The following ATAD1 variants were observed in gnomAD, a reference collection of about 807,000 sequenced individuals.
The protein encoded by ATAD1 is ATPase family AAA domain containing 1, also known as outer mitochondrial transmembrane helix translocase.
Under a neutral mutation model 42.7 loss-of-function variants are expected in ATAD1, and 18 were observed. The observed-to-expected ratio is 0.42, with a 90% CI of 0.29 to 0.63. The LOEUF (loss-of-function observed/expected upper bound fraction) is 0.63, where lower values mean the gene tolerates loss of function less well. Among genes scored for constraint, ATAD1 ranks in the 20% least tolerant of loss-of-function variants. The pLI, the probability that ATAD1 is intolerant of heterozygous loss-of-function variation, is 0.19. For synonymous variants in ATAD1, 132 were observed against 143.1 expected, an observed-to-expected ratio of 0.92 and a Z score of 0.55; for missense variants, 294 against 440.4, an observed-to-expected ratio of 0.67 and a Z score of 2.98.
chr10:87,783,552 C>A (rs1300987310), intron 5 of ATAD1, among the ~76,000 whole-genome samples: 1 of 151,740 alleles, frequency 6.6e-6, no homozygotes, highest in Admixed American at 6.6e-5. Flanking sequence ...CATAGCCTAT[C>A]ATACTAAATT....
intron 1 of ATAD1, among the ~76,000 whole-genome samples, chr10:87,826,187 A>G (rs1054494094): frequency 6.6e-6 from 1 of 152,258 alleles, no homozygotes; most frequent in African/African-American, 2.4e-5. Flanking sequence ...AAGGGGAAAA[A>G]GAAAGCAAAG....
rs562202858 is a variant in ATAD1, at chr10:87,841,264, G to A, written c.-91C>T. ...TCTTTGCACAGTTAAGCTGAGACTA[G>A]CATCATTCTAGTTTGCAGGTGACAT... On this transcript the variant is annotated 5_prime_UTR_variant, in exon 1 of 5. Transcript: ENST00000495903. The A allele has an allele frequency of 2.0e-5, 3 of 152,336 alleles. No homozygotes were observed. The East Asian group carries it at 5.8e-4, about 29-fold the overall frequency. The allele number at this position is 152,336 out of a possible 1,614,324, so 9.4% of individuals were successfully genotyped here. A position where few individuals can be genotyped will look rare whatever the true frequency, so the allele number is the denominator to read the frequency against.
intron 1 of ATAD1, among the ~76,000 whole-genome samples, chr10:87,839,273 A>G (rs1485527862): frequency 6.6e-6 from 1 of 152,130 alleles, no homozygotes; most frequent in Non-Finnish European, 1.5e-5. Flanking sequence ...TTTCTCTGTA[A>G]ATAATCTCAA....
intron 2 of ATAD1, among the ~76,000 whole-genome samples, chr10:87,811,643 G>A (rs12785229): frequency 2.0e-5 from 3 of 152,172 alleles, no homozygotes; most frequent in Non-Finnish European, 4.4e-5. Flanking sequence ...TGATGGTGGT[G>A]AGGGGAGATG....
intron 6 of ATAD1, among the ~76,000 whole-genome samples, chr10:87,774,152 C>A (rs114213764): frequency 3.3e-5 from 5 of 152,048 alleles, no homozygotes; most frequent in South Asian, 4.2e-4. Context: ...TATGCTAATG[C>A]GGTGGGCTTA....
intron 8 of ATAD1, among the ~76,000 whole-genome samples, chr10:87,765,920 G>A (rs990336378): frequency 6.6e-6 from 1 of 151,870 alleles, no homozygotes; most frequent in Non-Finnish European, 1.5e-5. Context: ...GTACATGCCT[G>A]TAATCTGCTT....
intron 7 of ATAD1, among the ~76,000 whole-genome samples, chr10:87,768,024 T>C (rs1437926458): frequency 2.6e-5 from 4 of 152,172 alleles, no homozygotes; most frequent in African/African-American, 7.2e-5. Context: ...CTTCCCTCTA[T>C]AGTTCAGCAA....
chr10:87,769,689 C>T (rs1379786337), intron 7 of ATAD1, among the ~76,000 whole-genome samples: 1 of 152,162 alleles, frequency 6.6e-6, no homozygotes, highest in Non-Finnish European at 1.5e-5. Context: ...TGACTCATGC[C>T]TGTAATCCCA....
intron 2 of ATAD1, among the ~76,000 whole-genome samples, chr10:87,808,035 T>G (rs1420921685): frequency 1.3e-5 from 2 of 152,242 alleles, no homozygotes; most frequent in Non-Finnish European, 2.9e-5. Context: ...TTTTTGATGC[T>G]ACTATATAAT....
At chr10:87,835,193 T>TA (rs546304871) in intron 1 of ATAD1, among the ~76,000 whole-genome samples, 6 of 152,268 alleles carry the variant, frequency 3.9e-5, no homozygotes, top group African/African-American at 1.2e-4. Context: ...AAAGAGTATG[T>TA]ATTCTGCTAT....
upstream of ATAD1, among the ~76,000 whole-genome samples, chr10:87,820,406 G>C (rs1166430349): frequency 6.6e-6 from 1 of 152,114 alleles, no homozygotes; most frequent in Non-Finnish European, 1.5e-5. Context: ...TAAGGACCAG[G>C]GTGACCAGCC....
upstream of ATAD1, among the ~76,000 whole-genome samples, chr10:87,822,452 T>TA (rs965892269): frequency 1.1e-4 from 17 of 152,122 alleles, no homozygotes; most frequent in Non-Finnish European, 1.5e-5. Context: ...TTCAGCCATT[T>TA]AAAAAAATGA....
intron 2 of ATAD1, among the ~76,000 whole-genome samples, chr10:87,808,550 A>C (rs1857036016): frequency 6.6e-6 from 1 of 152,208 alleles, no homozygotes; most frequent in Admixed American, 6.5e-5. Context: ...GCTCCGTCTA[A>C]AAGAAAACAC....
chr10:87,753,379 TAG>T lies in ATAD1; in HGVS notation c.*1306_*1307del, dbSNP rs1356528978. ...ATCCAGTGACACATGAATAAAGATT[TAG>T]AGTTTTTAAAGAAATACAGTAAAAG... On this transcript the variant is annotated 3_prime_UTR_variant, in exon 10 of 10. Transcript: ENST00000680024. 1.3e-5 allele frequency: 2 copies of T among 152,172 alleles called. No individual in the cohort carries two copies. Among genetic ancestry groups the T allele is most frequent in the East Asian group, 1.9e-4 (1 of 5,194 alleles). The allele number at this position is 152,172 out of a possible 1,614,324, so 9.4% of individuals were successfully genotyped here. A position where few individuals can be genotyped will look rare whatever the true frequency, so the allele number is the denominator to read the frequency against.
upstream of ATAD1, among the ~76,000 whole-genome samples, chr10:87,820,734 G>A (rs1489960856): frequency 6.6e-6 from 1 of 152,126 alleles, no homozygotes; most frequent in East Asian, 1.9e-4. Context: ...TATATGTTTT[G>A]GACCTAATAT....
intron 2 of ATAD1, among the ~76,000 whole-genome samples, chr10:87,804,652 G>T (rs914319752): frequency 6.6e-6 from 1 of 152,160 alleles, no homozygotes; most frequent in Non-Finnish European, 1.5e-5. Flanking sequence ...TTACAGGTAT[G>T]AGCCACCATG....
intron 5 of ATAD1, among the ~76,000 whole-genome samples, chr10:87,783,428 C>T (rs1017608900): frequency 1.3e-5 from 2 of 151,384 alleles, no homozygotes; most frequent in Admixed American, 6.6e-5. Flanking sequence ...AAGATGCACA[C>T]CAAAACACCA....
At chr10:87,756,981 T>C in intron 8 of ATAD1, 59 bp from the exon 9 acceptor site, 2 of 1,351,116 alleles carry the variant, frequency 1.5e-6, no homozygotes, top group East Asian at 2.7e-5. Context: ...TAAATGATAC[T>C]ACCAAACACC....
At chr10:87,769,852 G>A (rs1392323930) in intron 7 of ATAD1, among the ~76,000 whole-genome samples, 2 of 152,086 alleles carry the variant, frequency 1.3e-5, no homozygotes, top group African/African-American at 4.8e-5. Flanking sequence ...AGGCTGAGGC[G>A]GGCTCGCTTT....
Sources: gnomAD v4.1 joint callset for allele counts (sites outside exome capture counted in the v4.1 genomes callset) on GRCh38, gnomAD v4.1.1 for gene constraint, MANE v1.5 for transcripts, NCBI Gene and HGNC (gene_info 2026-07-23, HGNC 2026-07-21) for gene names.